CSMD3: variants seen among roughly 807,000 people sequenced by gnomAD.
CSMD3 encodes the protein CUB and sushi domain-containing protein 3.
CSMD3 carries 177 observed loss-of-function variants against 435.2 expected under a neutral mutation model. The ratio of observed to expected loss-of-function variants is 0.41; its 90% CI spans 0.36 to 0.46. The LOEUF is 0.46. Ranked by LOEUF, CSMD3 falls within the 20% of genes least tolerant of loss-of-function variation. The pLI, the probability that CSMD3 is intolerant of heterozygous loss-of-function variation, is 0.34. For missense variants in CSMD3, 4,265 were observed against 4,504.6 expected, an observed-to-expected ratio of 0.95 and a Z score of 1.52; for synonymous variants, 1,656 against 1,520.5, an observed-to-expected ratio of 1.09 and a Z score of -2.07.
rs151006759 is a variant in CSMD3 at position 112,263,693 on chromosome 8, C to G, written c.9808G>C (p.Val3270Leu). ...GTACCATTCCCTACACAGGTCAAAA[C>G]AGCAGGGAAGGATAGCTCATAGCCT... ...SPGYELSFPA[V>L]LTCVGNGTWS... Residue 3270 changes from valine (V) to leucine (L), a missense_variant, in exon 61 of 71, where the codon GTT becomes CTT. Physicochemically the swap from Val to Leu is conservative, Grantham distance 32. Around this residue, in one of 3 missense-constraint regions of CSMD3, gnomAD observed 3,255 missense variants for 3,380.2 expected, o/e 0.96. Transcript: ENST00000297405. The G allele has an allele frequency of 6.2e-7, 1 of 1,613,770 alleles. No individual in the cohort carries two copies. The highest frequency in any genetic ancestry group is 8.5e-7 in the Non-Finnish European group (1 of 1,179,796).
chr8:112,751,635 T>G (rs572987502), intron 13 of CSMD3, among the ~76,000 whole-genome samples: 106 of 142,706 alleles, frequency 7.4e-4, no homozygotes, highest in South Asian at 2.3e-3. Flanking sequence ...TAGGTTTTTT[T>G]TTTTTTTTAT....
rs554464260 is a variant in CSMD3 at position 112,600,022 on chromosome 8, T to TA, written c.3716-12788dup. On this transcript the variant is annotated intron_variant, in intron 22 of 70. Coordinates refer to ENST00000297405, the MANE Select transcript of CSMD3 (RefSeq NM_198123.2). ...TACCCTAAAACTTAAAGTATATATATAAAAAAAAGGAATAGTACAGAGGTG... is the reference window on the plus strand; with the variant it reads ...TACCCTAAAACTTAAAGTATATATATAAAAAAAAAGGAATAGTACAGAGGTG... Among the ~76,000 whole-genome samples, 345 of 150,642 alleles carry TA rather than the reference T, an allele frequency of 2.3e-3. 5 individuals carry two copies. The highest frequency in any genetic ancestry group is 7.6e-3 in the African/African-American group (311 of 40,968).
At chr8:113,304,000 G>T (rs531842603) in intron 2 of CSMD3, among the ~76,000 whole-genome samples, 1 of 138,904 alleles carries the variant, frequency 7.2e-6, no homozygotes, top group Non-Finnish European at 1.6e-5. Context: ...AGAAAATTTT[G>T]GCAACCTACT....
chr8:113,205,495 C>T (rs1383656007), intron 3 of CSMD3, among the ~76,000 whole-genome samples: 1 of 152,112 alleles, frequency 6.6e-6, no homozygotes, highest in Non-Finnish European at 1.5e-5. Context: ...TATCATACAG[C>T]CTAGGTGTGT....
intron 13 of CSMD3, among the ~76,000 whole-genome samples, chr8:112,700,924 C>G (rs905383289): frequency 6.6e-6 from 1 of 152,138 alleles, no homozygotes; most frequent in African/African-American, 2.4e-5. Context: ...TCTCCCAAAA[C>G]AGATGGTTCT....
intron 27 of CSMD3, among the ~76,000 whole-genome samples, chr8:112,533,179 C>T (rs1339507984): frequency 2.0e-5 from 3 of 151,526 alleles, no homozygotes; most frequent in Non-Finnish European, 1.5e-5. Flanking sequence ...AAGAAAATCA[C>T]TTAACCACAA....
At chr8:113,277,318 T>C (rs2132451289) in intron 3 of CSMD3, among the ~76,000 whole-genome samples, 1 of 152,092 alleles carries the variant, frequency 6.6e-6, no homozygotes, top group East Asian at 1.9e-4. Context: ...GGAAATTAAG[T>C]CTTGGAATTT....
At chr8:113,170,257 A>G (rs1564388586) in intron 4 of CSMD3, among the ~76,000 whole-genome samples, 2 of 150,734 alleles carry the variant, frequency 1.3e-5, no homozygotes, top group Non-Finnish European at 2.9e-5. Flanking sequence ...AACTACACAC[A>G]CTGCATATAC....
intron 5 of CSMD3, among the ~76,000 whole-genome samples, chr8:113,067,849 G>A (rs762558302): frequency 2.6e-5 from 4 of 152,046 alleles, no homozygotes; most frequent in Non-Finnish European, 4.4e-5. Context: ...TTAACTTGAA[G>A]ATAATAAATG....
intron 13 of CSMD3, among the ~76,000 whole-genome samples, chr8:112,705,925 T>G: frequency 6.6e-6 from 1 of 152,062 alleles, no homozygotes. Flanking sequence ...CTCCTTGACT[T>G]GCCTTGAGGT....
chr8:112,767,502 T>A (rs1467598119), intron 13 of CSMD3, among the ~76,000 whole-genome samples: 3 of 151,786 alleles, frequency 2.0e-5, no homozygotes, highest in Non-Finnish European at 4.4e-5. Flanking sequence ...AAGTACAAGT[T>A]ACTTAACCTC....
intron 6 of CSMD3, among the ~76,000 whole-genome samples, chr8:113,010,374 A>G (rs1355413470): frequency 6.6e-6 from 1 of 151,824 alleles, no homozygotes; most frequent in Admixed American, 6.6e-5. Context: ...GCTGACTTTT[A>G]TTCTAGAAGA....
chr8:113,294,670 A>T (rs75744206), intron 2 of CSMD3, among the ~76,000 whole-genome samples: 264 of 152,236 alleles, frequency 1.7e-3, no homozygotes, highest in South Asian at 9.7e-3. Flanking sequence ...TGACAAATCT[A>T]ACTTATTGCT....
chr8:112,955,339 A>G (rs2083976724), intron 7 of CSMD3, among the ~76,000 whole-genome samples: 1 of 151,744 alleles, frequency 6.6e-6, no homozygotes, highest in Non-Finnish European at 1.5e-5. Flanking sequence ...AAATGTATGA[A>G]AGTGAACTAC....
At chr8:112,783,734 A>T (rs2078462037) in intron 13 of CSMD3, among the ~76,000 whole-genome samples, 1 of 152,082 alleles carries the variant, frequency 6.6e-6, no homozygotes, top group African/African-American at 2.4e-5. Context: ...GACTGAAAAT[A>T]CATGGATGGA....
At chr8:113,310,687 A>G (rs946714071) in intron 2 of CSMD3, 2 of 151,932 alleles carry the variant, frequency 1.3e-5, no homozygotes, top group Non-Finnish European at 2.9e-5. Flanking sequence ...TTCTAGTTGT[A>G]ATAATATTCA....
chr8:112,383,836 C>G lies in CSMD3; in HGVS notation c.5935-173G>C, dbSNP rs556733185. On this transcript the variant is annotated intron_variant, in intron 36 of 70. Coordinates refer to ENST00000297405, the MANE Select transcript of CSMD3 (RefSeq NM_198123.2). ...TTTTCCATTATTGCACTGGCTTACA[C>G]GAGCTGATTTTTATATAGAAAAGCC... is the stretch of plus-strand genomic sequence containing the variant. Among the ~76,000 whole-genome samples, 3 of 152,096 alleles carry G rather than the reference C, an allele frequency of 2.0e-5. No individual in the cohort carries two copies. The East Asian group carries it at 5.8e-4, about 29-fold the overall frequency.
intron 59 of CSMD3, among the ~76,000 whole-genome samples, chr8:112,266,920 G>A (rs1391154824): frequency 6.6e-6 from 1 of 152,082 alleles, no homozygotes; most frequent in African/African-American, 2.4e-5. Flanking sequence ...AAAACATGTA[G>A]TATACTTAAC....
chr8:113,412,263 T>C (rs1029354887), intron 1 of CSMD3, among the ~76,000 whole-genome samples: 1 of 152,156 alleles, frequency 6.6e-6, no homozygotes, highest in Non-Finnish European at 1.5e-5. Context: ...AAGACATTAC[T>C]ATCTTTTGGC....
Sources: gnomAD v4.1 joint callset for allele counts (sites outside exome capture counted in the v4.1 genomes callset) on GRCh38, gnomAD v4.1.1 for gene constraint, gnomAD v4.1.1 regional missense constraint, MANE v1.5 for transcripts, NCBI Gene and HGNC (gene_info 2026-07-23, HGNC 2026-07-21) for gene names.